The following ALCAM variants were observed in gnomAD, a reference collection of about 807,000 sequenced individuals.
ALCAM encodes the protein CD166 antigen.
A neutral mutation model predicts 70.9 loss-of-function variants in ALCAM; 30 were observed. That is an observed-to-expected ratio of 0.42 (90% CI 0.32 to 0.57). ALCAM has a LOEUF of 0.57. ALCAM is among the 20% of genes least tolerant of loss of function. The probability of loss-of-function intolerance (pLI) is 0.11; values close to 1 mark genes in which losing one functional copy is unlikely to be tolerated. For synonymous variants in ALCAM, 249 were observed against 242.5 expected, an observed-to-expected ratio of 1.03 and a Z score of -0.25; for missense variants, 591 against 695.1, an observed-to-expected ratio of 0.85 and a Z score of 1.68.
intron 1 of ALCAM, among the ~76,000 whole-genome samples, chr3:105,408,652 A>G (rs1936309739): frequency 6.6e-6 from 1 of 152,060 alleles, no homozygotes. Context: ...AAAGACATCA[A>G]GACCAAGAAT....
At chr3:105,431,043 A>G (rs1368463816) in intron 1 of ALCAM, among the ~76,000 whole-genome samples, 1 of 152,016 alleles carries the variant, frequency 6.6e-6, no homozygotes, top group Non-Finnish European at 1.5e-5. Context: ...AAACTTAAAA[A>G]TATGCTCATG....
rs573017678 is a variant in ALCAM at position 105,389,223 on chromosome 3, C to T, written c.73+21742C>T. ...TGTTATGTAGAAAATTATCCCACTA[C>T]AATTTTCTTTATCCTTATTTATTAA... On this transcript the variant is annotated intron_variant, in intron 1 of 15. Transcript: ENST00000306107. Among the ~76,000 whole-genome samples, 279 of 151,396 alleles carry T rather than the reference C, an allele frequency of 1.8e-3. 2 individuals carry two copies. The highest frequency in any genetic ancestry group is 4.6e-3 in the African/African-American group (192 of 41,404).
At chr3:105,383,262 G>T (rs947438702) in intron 1 of ALCAM, among the ~76,000 whole-genome samples, 2 of 151,618 alleles carry the variant, frequency 1.3e-5, no homozygotes, top group African/African-American at 4.8e-5. Context: ...CTCCCTTAGT[G>T]AATTTTTATA....
At chr3:105,411,461 C>T (rs759862636) in intron 1 of ALCAM, among the ~76,000 whole-genome samples, 12 of 152,082 alleles carry the variant, frequency 7.9e-5, no homozygotes, top group Non-Finnish European at 1.6e-4. Flanking sequence ...GCAGCAGCAG[C>T]TGGGATAATA....
chr3:105,571,918 C>T lies in ALCAM; in HGVS notation c.1731C>T (p.Asn577=), dbSNP rs1406595920. Residue 577 remains asparagine, a synonymous_variant, in exon 15 of 16, where the codon AAC becomes AAT. Coordinates refer to ENST00000306107, the MANE Select transcript of ALCAM (RefSeq NM_001627.4). ...AAGAAAACAAAAAGTTAGAAGAAAA[C>T]AATCACAAAACTGAAGCCTAAGAGA... ...NMEENKKLEE[N]NHKTEA The T allele has an allele frequency of 6.2e-7, 1 of 1,612,852 alleles. No individual in the cohort carries two copies. Among genetic ancestry groups the T allele is most frequent in the African/African-American group, 1.3e-5 (1 of 74,844 alleles).
chr3:105,540,467 C>T (rs992373084), intron 7 of ALCAM, among the ~76,000 whole-genome samples: 1 of 151,958 alleles, frequency 6.6e-6, no homozygotes, highest in Non-Finnish European at 1.5e-5. Context: ...AACATTGCCC[C>T]GAACACACCT....
chr3:105,562,785 T>C (rs539379050), intron 14 of ALCAM, among the ~76,000 whole-genome samples: 1 of 152,174 alleles, frequency 6.6e-6, no homozygotes, highest in Non-Finnish European at 1.5e-5. Context: ...AAACAAAATG[T>C]AAATTTTTAA....
chr3:105,431,517 A>T (rs1488857830), intron 1 of ALCAM, among the ~76,000 whole-genome samples: 3 of 152,014 alleles, frequency 2.0e-5, no homozygotes, highest in Admixed American at 2.0e-4. Flanking sequence ...CTTGTATCCC[A>T]TTTGCTATCC....
chr3:105,463,778 A>G (rs779195725), intron 1 of ALCAM, among the ~76,000 whole-genome samples: 48 of 151,576 alleles, frequency 3.2e-4, no homozygotes, highest in Middle Eastern at 3.4e-3. Flanking sequence ...ATTCAGAGAC[A>G]TAATAAAGCT....
At chr3:105,467,044 T>C (rs1937758650) in intron 1 of ALCAM, among the ~76,000 whole-genome samples, 1 of 151,392 alleles carries the variant, frequency 6.6e-6, no homozygotes. Flanking sequence ...AACTTTACCA[T>C]TTAATAGCTG....
intron 14 of ALCAM, among the ~76,000 whole-genome samples, chr3:105,562,492 A>G (rs574654404): frequency 1.4e-4 from 22 of 152,274 alleles, no homozygotes; most frequent in African/African-American, 5.1e-4. Flanking sequence ...ATCTTAGTCT[A>G]TTATGATGTA....
At chr3:105,371,134 A>T (rs1043825680) in intron 1 of ALCAM, among the ~76,000 whole-genome samples, 8 of 152,184 alleles carry the variant, frequency 5.3e-5, no homozygotes, top group Admixed American at 1.3e-4. Flanking sequence ...TTTAATAGAC[A>T]TTCAGATGAA....
chr3:105,475,300 T>G (rs1938076392), intron 1 of ALCAM, among the ~76,000 whole-genome samples: 1 of 151,944 alleles, frequency 6.6e-6, no homozygotes, highest in Admixed American at 6.6e-5. Context: ...CTATATAATA[T>G]CCTCCATATG....
chr3:105,567,888 T>C (rs976050067), intron 14 of ALCAM, among the ~76,000 whole-genome samples: 1 of 152,038 alleles, frequency 6.6e-6, no homozygotes, highest in Non-Finnish European at 1.5e-5. Flanking sequence ...ATTTCTGTTA[T>C]ATTTTTCTAA....
At chr3:105,397,329 A>C (rs1240508334) in intron 1 of ALCAM, among the ~76,000 whole-genome samples, 1 of 152,028 alleles carries the variant, frequency 6.6e-6, no homozygotes, top group Non-Finnish European at 1.5e-5. Flanking sequence ...AGTTGTACAC[A>C]TGTATATATG....
At chr3:105,437,304 T>C (rs1021940890) in intron 1 of ALCAM, among the ~76,000 whole-genome samples, 10 of 152,204 alleles carry the variant, frequency 6.6e-5, no homozygotes, top group African/African-American at 2.4e-4. Context: ...AAAATGTAAT[T>C]ATATATTTTT....
At chr3:105,495,957 T>A (rs1270570583) in intron 1 of ALCAM, among the ~76,000 whole-genome samples, 1 of 152,220 alleles carries the variant, frequency 6.6e-6, no homozygotes, top group African/African-American at 2.4e-5. Flanking sequence ...ATAGTTCCAT[T>A]CACTATAAGT....
At chr3:105,520,218 A>G (rs771432877) in intron 2 of ALCAM, 51 bp downstream of exon 2, 2 of 1,300,878 alleles carry the variant, frequency 1.5e-6, no homozygotes, top group Admixed American at 3.4e-5. Context: ...TCTTTTAAAT[A>G]AAATTCTTTC....
chr3:105,371,520 T>TC (rs1029876977), intron 1 of ALCAM, among the ~76,000 whole-genome samples: 9 of 146,436 alleles, frequency 6.1e-5, no homozygotes, highest in African/African-American at 2.3e-4. Context: ...GATGTTTCTT[T>TC]TTTTTTTTCT....
Sources: allele counts gnomAD v4.1 joint callset (sites outside exome capture counted in the v4.1 genomes callset), GRCh38; gene constraint gnomAD v4.1.1; transcripts MANE v1.5; gene names NCBI Gene and HGNC (gene_info 2026-07-23, HGNC 2026-07-21).